The following AMOTL1 variants were observed in gnomAD, a reference collection of about 807,000 sequenced individuals.
AMOTL1 encodes the protein angiomotin-like protein 1.
AMOTL1 carries 45 observed loss-of-function variants against 102.9 expected under a neutral mutation model. The ratio of observed to expected loss-of-function variants is 0.44; its 90% CI spans 0.34 to 0.56. The LOEUF is 0.56. AMOTL1 is among the 20% of genes least tolerant of loss of function. The probability of loss-of-function intolerance (pLI) is 0.01; values close to 1 mark genes in which losing one functional copy is unlikely to be tolerated. For missense variants in AMOTL1, 1,114 were observed against 1,225.6 expected (o/e 0.91, Z 1.36); for synonymous variants, 481 against 484.7 (o/e 0.99, Z 0.10).
intron 4 of AMOTL1, among the ~76,000 whole-genome samples, chr11:94,826,517 G>A (rs896899622): frequency 6.6e-6 from 1 of 151,894 alleles, no homozygotes; most frequent in South Asian, 2.1e-4. Context: ...GGGCTTTTAC[G>A]CTGTGTCACA....
intron 1 of AMOTL1, among the ~76,000 whole-genome samples, chr11:94,771,767 A>G (rs1950956225): frequency 6.6e-6 from 1 of 152,094 alleles, no homozygotes; most frequent in Non-Finnish European, 1.5e-5. Context: ...CATTTTGGAC[A>G]CTCAGGACAG....
chr11:94,792,053 G>C (rs1168392501), intron 1 of AMOTL1, among the ~76,000 whole-genome samples: 1 of 152,202 alleles, frequency 6.6e-6, no homozygotes, highest in Non-Finnish European at 1.5e-5. Flanking sequence ...AAAGCTAGCA[G>C]TTAAAGTGAC....
intron 3 of AMOTL1, among the ~76,000 whole-genome samples, chr11:94,752,961 G>A (rs746398861): frequency 5.3e-5 from 8 of 152,146 alleles, no homozygotes; most frequent in Non-Finnish European, 7.3e-5. Flanking sequence ...GTCCATTATT[G>A]TTGCTCTTGT....
chr11:94,706,902 G>A (rs1353858285), intron 1 of AMOTL1, among the ~76,000 whole-genome samples: 1 of 152,116 alleles, frequency 6.6e-6, no homozygotes, highest in Non-Finnish European at 1.5e-5. Flanking sequence ...ACTGTAAGTG[G>A]ACTCCTTTGG....
chr11:94,718,907 A>G (rs558532205), intron 1 of AMOTL1, among the ~76,000 whole-genome samples: 69 of 151,676 alleles, frequency 4.5e-4, no homozygotes, highest in Middle Eastern at 3.5e-3. Context: ...ATCTGTCTAT[A>G]GTTATTTTGT....
At chr11:94,752,583 C>A (rs1165613798) in intron 3 of AMOTL1, among the ~76,000 whole-genome samples, 1 of 152,170 alleles carries the variant, frequency 6.6e-6, no homozygotes, top group Non-Finnish European at 1.5e-5. Context: ...CTGCTTAATT[C>A]TCTTCCCCCT....
intron 3 of AMOTL1, among the ~76,000 whole-genome samples, chr11:94,753,901 C>T (rs1186781240): frequency 1.3e-5 from 2 of 152,220 alleles, no homozygotes; most frequent in African/African-American, 4.8e-5. Flanking sequence ...CAGTCCTTCC[C>T]TCAAAGAACT....
chr11:94,718,920 C>G (rs1338115441), intron 1 of AMOTL1, among the ~76,000 whole-genome samples: 1 of 151,378 alleles, frequency 6.6e-6, no homozygotes. Flanking sequence ...TATTTTGTGA[C>G]TTCTAGATTT....
chr11:94,826,834 A>G (rs1024793887), intron 4 of AMOTL1, among the ~76,000 whole-genome samples: 19 of 152,156 alleles, frequency 1.2e-4, no homozygotes, highest in African/African-American at 4.6e-4. Flanking sequence ...CTCTACCATT[A>G]CAGCTATCAG....
intron 1 of AMOTL1, among the ~76,000 whole-genome samples, 183 bp from the exon 2 acceptor site, chr11:94,794,828 G>A (rs1253275978): frequency 1.3e-5 from 2 of 152,176 alleles, no homozygotes; most frequent in Admixed American, 1.3e-4. Flanking sequence ...GGTCATTTTG[G>A]TGGGTGGCTG....
chr11:94,828,162 T>C (rs1290067622), intron 4 of AMOTL1, among the ~76,000 whole-genome samples: 1 of 152,182 alleles, frequency 6.6e-6, no homozygotes, highest in Non-Finnish European at 1.5e-5. Context: ...CTTATAATCA[T>C]TTATCTTGGT....
At chr11:94,759,433 G>C (rs1950765105) in intron 3 of AMOTL1, among the ~76,000 whole-genome samples, 1 of 152,070 alleles carries the variant, frequency 6.6e-6, no homozygotes, top group Non-Finnish European at 1.5e-5. Flanking sequence ...GGAGTATCTG[G>C]TACTAGCTAA....
At chr11:94,805,970 G>A (rs1015304763) in intron 3 of AMOTL1, among the ~76,000 whole-genome samples, 3 of 152,130 alleles carry the variant, frequency 2.0e-5, no homozygotes, top group African/African-American at 7.2e-5. Context: ...CATTAAGTGA[G>A]GGAACCTGTG....
chr11:94,846,240 C>T (rs333009), intron 6 of AMOTL1, among the ~76,000 whole-genome samples: 1 of 152,172 alleles, frequency 6.6e-6, no homozygotes, highest in South Asian at 2.1e-4. Flanking sequence ...TGTTAGAGCA[C>T]CTTGTCACAT....
intron 3 of AMOTL1, among the ~76,000 whole-genome samples, chr11:94,762,229 A>G (rs946501763): frequency 1.3e-5 from 2 of 152,246 alleles, no homozygotes; most frequent in Non-Finnish European, 2.9e-5. Flanking sequence ...TTAGTATGCA[A>G]TTAGATTCAC....
intron 3 of AMOTL1, among the ~76,000 whole-genome samples, chr11:94,819,715 T>C (rs888068249): frequency 6.6e-6 from 1 of 152,194 alleles, no homozygotes; most frequent in African/African-American, 2.4e-5. Flanking sequence ...CAGACCACCT[T>C]GGGTAGATGT....
intron 3 of AMOTL1, among the ~76,000 whole-genome samples, chr11:94,762,028 T>C (rs1439421583): frequency 3.9e-5 from 6 of 152,248 alleles, no homozygotes; most frequent in African/African-American, 7.2e-5. Context: ...TGAAACTCCT[T>C]ATTTTTAATA....
At chr11:94,862,955 T>A (rs541988235) in intron 9 of AMOTL1, among the ~76,000 whole-genome samples, 96 of 152,362 alleles carry the variant, frequency 6.3e-4, no homozygotes, top group African/African-American at 2.1e-3. Flanking sequence ...TCTTTACTCA[T>A]CTTTGCTGAG....
chr11:94,778,035 A>C (rs1951050433), intron 1 of AMOTL1, among the ~76,000 whole-genome samples: 1 of 152,252 alleles, frequency 6.6e-6, no homozygotes, highest in Non-Finnish European at 1.5e-5. Flanking sequence ...AAGATGTTAG[A>C]AAACAAAAGA....
Sources: allele counts gnomAD v4.1 joint callset (sites outside exome capture counted in the v4.1 genomes callset), GRCh38; gene constraint gnomAD v4.1.1; transcripts MANE v1.5; gene names NCBI Gene and HGNC (gene_info 2026-07-23, HGNC 2026-07-21).